The following ADCY2 variants were observed in gnomAD, a reference collection of about 807,000 sequenced individuals.
ADCY2 encodes the protein adenylate cyclase 2, also known as adenylate cyclase type 2.
In ADCY2, 31 loss-of-function variants were observed where a neutral mutation model predicts 125.2. The ratio of observed to expected loss-of-function variants is 0.25; its 90% CI spans 0.19 to 0.33. The LOEUF (loss-of-function observed/expected upper bound fraction) is 0.33. Ranked by LOEUF, ADCY2 falls within the 10% of genes least tolerant of loss-of-function variation. The probability of loss-of-function intolerance (pLI) is 1.00; values close to 1 mark genes in which losing one functional copy is unlikely to be tolerated. For synonymous variants in ADCY2, 512 were observed against 548.4 expected (o/e 0.93, Z 0.93); for missense variants, 904 against 1,418.2 (o/e 0.64, Z 5.82).
intron 3 of ADCY2, among the ~76,000 whole-genome samples, chr5:7,558,863 G>C (rs568446698): frequency 5.3e-5 from 8 of 152,190 alleles, no homozygotes; most frequent in Middle Eastern, 3.4e-3. Flanking sequence ...TTTTTTGTGT[G>C]GTGTAATGAA....
At chr5:7,651,871 C>T (rs895790254) in intron 4 of ADCY2, among the ~76,000 whole-genome samples, 9 of 151,984 alleles carry the variant, frequency 5.9e-5, no homozygotes, top group Admixed American at 4.6e-4. Context: ...GGCATGATTC[C>T]GGCTCACTGT....
intron 3 of ADCY2, chr5:7,611,005 T>C (rs1437497345): frequency 1.3e-5 from 2 of 152,220 alleles, no homozygotes; most frequent in Non-Finnish European, 2.9e-5. Context: ...GTGATTGCTA[T>C]AGAAATCCTT....
At chr5:7,598,425 G>C (rs1418736741) in intron 3 of ADCY2, among the ~76,000 whole-genome samples, 1 of 152,240 alleles carries the variant, frequency 6.6e-6, no homozygotes, top group African/African-American at 2.4e-5. Flanking sequence ...AGTTCTTAAA[G>C]TATGGCTCAT....
rs376791774 is a variant in ADCY2 at position 7,724,569 on chromosome 5, T to C, written c.1728T>C (p.Ile576=). 197 of 1,603,184 alleles carry C rather than the reference T, an allele frequency of 1.2e-4. No homozygotes were observed. The highest frequency in any genetic ancestry group is 1.6e-4 in the Non-Finnish European group (191 of 1,177,356). Residue 576 remains isoleucine, a synonymous_variant, in exon 13 of 25, where the codon ATT becomes ATC. Transcript: ENST00000338316. The part of the protein sequence containing the change: ...AQKQWLKSED[I]QRISLLFYNK... ...GGCAATGGCTCAAGTCTGAAGACAT[T>C]CAGAGAATCTCACTGCTTTTCTATA...
At chr5:7,558,525 A>G (rs1319109890) in intron 3 of ADCY2, among the ~76,000 whole-genome samples, 1 of 151,966 alleles carries the variant, frequency 6.6e-6, no homozygotes. Context: ...CCACTTTTTA[A>G]TGGGGTGGTT....
At chr5:7,530,592 C>T (rs1734607574) in intron 3 of ADCY2, among the ~76,000 whole-genome samples, 1 of 136,622 alleles carries the variant, frequency 7.3e-6, no homozygotes, top group East Asian at 2.2e-4. Flanking sequence ...AGTCTCCCAG[C>T]CCCAGTACCT....
chr5:7,476,358 T>C (rs765447277), intron 2 of ADCY2, among the ~76,000 whole-genome samples: 2 of 152,030 alleles, frequency 1.3e-5, no homozygotes, highest in Non-Finnish European at 2.9e-5. Flanking sequence ...GACATTGTTG[T>C]GGGAGGACAT....
At chr5:7,817,297 G>A (rs1299463985) in intron 23 of ADCY2, among the ~76,000 whole-genome samples, 3 of 152,072 alleles carry the variant, frequency 2.0e-5, no homozygotes, top group African/African-American at 7.2e-5. Context: ...ATGGGCTGTT[G>A]CCAATTAAAC....
At chr5:7,496,739 G>T (rs1468846490) in intron 2 of ADCY2, among the ~76,000 whole-genome samples, 1 of 152,066 alleles carries the variant, frequency 6.6e-6, no homozygotes, top group Non-Finnish European at 1.5e-5. Context: ...TTAATGGAGG[G>T]ATTAATTACG....
At chr5:7,752,319 C>T (rs749689044) in intron 15 of ADCY2, among the ~76,000 whole-genome samples, 46 of 152,094 alleles carry the variant, frequency 3.0e-4, no homozygotes, top group Non-Finnish European at 5.6e-4. Flanking sequence ...ATTAAAATGC[C>T]AAAGTAGATG....
At chr5:7,706,717 T>C (rs1042737629) in intron 7 of ADCY2, 27 bp from the exon 8 acceptor site, 2 of 1,612,694 alleles carry the variant, frequency 1.2e-6, no homozygotes, top group Non-Finnish European at 1.7e-6. Flanking sequence ...TGTTACTTGA[T>C]CATGATCTTA....
At chr5:7,737,173 T>C (rs1742274545) in intron 14 of ADCY2, among the ~76,000 whole-genome samples, 1 of 152,190 alleles carries the variant, frequency 6.6e-6, no homozygotes, top group Non-Finnish European at 1.5e-5. Flanking sequence ...GTCTTAGGTA[T>C]TTCCGAAAGG....
chr5:7,761,340 C>T (rs1163895952), intron 16 of ADCY2, among the ~76,000 whole-genome samples: 1 of 151,600 alleles, frequency 6.6e-6, no homozygotes, highest in Non-Finnish European at 1.5e-5. Context: ...AGTAGAGATG[C>T]GGTTTCACCA....
intron 1 of ADCY2, among the ~76,000 whole-genome samples, chr5:7,403,053 G>A (rs1247745942): frequency 4.6e-5 from 7 of 152,170 alleles, no homozygotes. Flanking sequence ...GCTAGGACAA[G>A]CCAGAGCTCA....
intron 21 of ADCY2, 27 bp from the exon 22 acceptor site, chr5:7,804,558 A>G: frequency 6.4e-7 from 1 of 1,565,914 alleles, no homozygotes; most frequent in South Asian, 1.1e-5. Flanking sequence ...CCAGCTGAGT[A>G]ACTGGACGGT....
intron 20 of ADCY2, among the ~76,000 whole-genome samples, 154 bp downstream of exon 20, chr5:7,789,954 C>G (rs1443292975): frequency 6.6e-6 from 1 of 152,122 alleles, no homozygotes; most frequent in Admixed American, 6.5e-5. Flanking sequence ...GTTCAGTTTT[C>G]AAGGAGATAT....
chr5:7,467,138 G>A (rs1215522574), intron 2 of ADCY2, among the ~76,000 whole-genome samples: 3 of 152,192 alleles, frequency 2.0e-5, no homozygotes, highest in African/African-American at 7.2e-5. Flanking sequence ...CAAAATGCCA[G>A]CCAGTTCATG....
At chr5:7,783,641 T>G (rs1743990581) in intron 18 of ADCY2, among the ~76,000 whole-genome samples, 1 of 152,212 alleles carries the variant, frequency 6.6e-6, no homozygotes, top group Non-Finnish European at 1.5e-5. Context: ...CCATGCACCA[T>G]CCATTTTTAT....
intron 2 of ADCY2, among the ~76,000 whole-genome samples, chr5:7,476,392 A>G (rs1402059199): frequency 6.6e-6 from 1 of 152,170 alleles, no homozygotes; most frequent in Non-Finnish European, 1.5e-5. Flanking sequence ...AGACAGGAGG[A>G]AAACAGCGTC....
Sources: allele counts gnomAD v4.1 joint callset (sites outside exome capture counted in the v4.1 genomes callset), GRCh38; gene constraint gnomAD v4.1.1; transcripts MANE v1.5; gene names NCBI Gene and HGNC (gene_info 2026-07-23, HGNC 2026-07-21).